The following AGPS variants were observed in gnomAD, a reference collection of about 807,000 sequenced individuals.
The protein encoded by AGPS is alkyldihydroxyacetonephosphate synthase, peroxisomal.
AGPS carries 26 observed loss-of-function variants against 90.7 expected under a neutral mutation model. The ratio of observed to expected loss-of-function variants is 0.29; its 90% CI spans 0.21 to 0.40. AGPS has a LOEUF of 0.40. AGPS is among the 10% of genes least tolerant of loss of function. The pLI, the probability that AGPS is intolerant of heterozygous loss-of-function variation, is 1.00. For missense variants in AGPS, 540 were observed against 816.1 expected, an observed-to-expected ratio of 0.66 and a Z score of 4.12; for synonymous variants, 294 against 285.3, an observed-to-expected ratio of 1.03 and a Z score of -0.31.
In AGPS at chr2:177,538,224, C is replaced by T. The variant is rs1162386058; in HGVS notation, c.*29C>T. ...CATTAGTACCATTACAAAAAAATGT[C>T]AATTTTTTTTTTAAGTTTTCAACTG... On this transcript the variant is annotated 3_prime_UTR_variant, in exon 20 of 20. Coordinates refer to ENST00000264167, the MANE Select transcript of AGPS (RefSeq NM_003659.4). The T allele has an allele frequency of 6.2e-7, 1 of 1,605,172 alleles. No individual in the cohort carries two copies. The highest frequency in any genetic ancestry group is 1.7e-5 in the Admixed American group (1 of 59,710).
chr2:177,494,936 GC>G (rs1688370329), intron 12 of AGPS, among the ~76,000 whole-genome samples: 1 of 152,140 alleles, frequency 6.6e-6, no homozygotes, highest in Admixed American at 6.5e-5. Flanking sequence ...AACAAAAGGT[GC>G]CCCAGACCCT....
At chr2:177,477,156 G>A (rs1184373280) in intron 10 of AGPS, among the ~76,000 whole-genome samples, 1 of 151,892 alleles carries the variant, frequency 6.6e-6, no homozygotes, top group Non-Finnish European at 1.5e-5. Flanking sequence ...TATTGGTATG[G>A]TCGGATTTAT....
chr2:177,488,807 A>G (rs983685766), intron 11 of AGPS, among the ~76,000 whole-genome samples: 1 of 152,228 alleles, frequency 6.6e-6, no homozygotes, highest in African/African-American at 2.4e-5. Context: ...AATGTTTTCA[A>G]TCAAGTATAA....
chr2:177,495,125 A>G (rs183817461), intron 12 of AGPS, among the ~76,000 whole-genome samples: 27 of 152,308 alleles, frequency 1.8e-4, no homozygotes, highest in African/African-American at 5.8e-4. Flanking sequence ...ATCATTGTGT[A>G]TATTGAAATA....
intron 12 of AGPS, among the ~76,000 whole-genome samples, chr2:177,494,072 G>A (rs775412225): frequency 2.0e-5 from 3 of 152,168 alleles, no homozygotes; most frequent in Non-Finnish European, 2.9e-5. Flanking sequence ...GTTATATTGT[G>A]AAATTTACTT....
intron 1 of AGPS, among the ~76,000 whole-genome samples, chr2:177,405,976 C>T (rs1685457158): frequency 6.6e-6 from 1 of 152,142 alleles, no homozygotes; most frequent in Admixed American, 6.6e-5. Flanking sequence ...AGTCTCCAAT[C>T]TCAGTCCTCC....
chr2:177,413,270 A>G (rs886537939), intron 1 of AGPS, among the ~76,000 whole-genome samples: 1 of 152,228 alleles, frequency 6.6e-6, no homozygotes, highest in African/African-American at 2.4e-5. Context: ...CCCAAAGGAC[A>G]GCAGGGGAAG....
At chr2:177,536,394 TCA>T (rs1001764682) in intron 19 of AGPS, among the ~76,000 whole-genome samples, 3 of 151,198 alleles carry the variant, frequency 2.0e-5, no homozygotes, top group African/African-American at 7.3e-5. Context: ...CTTTTACCAT[TCA>T]CAGAGTAGTT....
intron 16 of AGPS, among the ~76,000 whole-genome samples, chr2:177,508,287 T>C (rs192475123): frequency 1.9e-3 from 295 of 152,296 alleles, no homozygotes; most frequent in Non-Finnish European, 3.2e-3. Flanking sequence ...TTTTGAAGAA[T>C]GTTATTGAAT....
intron 11 of AGPS, among the ~76,000 whole-genome samples, chr2:177,482,847 A>T (rs17398864): frequency 0.13 from 19,390 of 152,136 alleles, 1,403 homozygotes; most frequent in African/African-American, 0.17. Context: ...TAGTTCTGTC[A>T]GTATGGAAAT....
At chr2:177,421,994 G>T (rs908392014) in intron 2 of AGPS, among the ~76,000 whole-genome samples, 5 of 152,042 alleles carry the variant, frequency 3.3e-5, no homozygotes, top group African/African-American at 4.8e-5. Context: ...ATGAGAAGGT[G>T]TGTGTGTATG....
At chr2:177,442,830 A>C (rs79534572) in intron 7 of AGPS, among the ~76,000 whole-genome samples, 4 of 12,780 alleles carry the variant, frequency 3.1e-4, no homozygotes, top group African/African-American at 1.1e-3. Flanking sequence ...CTGGGTGACA[A>C]AAAAAAAAAA....
chr2:177,416,797 A>G (rs371190096), intron 1 of AGPS, among the ~76,000 whole-genome samples: 12 of 152,028 alleles, frequency 7.9e-5, no homozygotes, highest in African/African-American at 2.6e-4. Context: ...CCAAAGTGCT[A>G]GGATTACAGG....
rs575886488 is a variant in AGPS, at chr2:177,501,212, G to C, written c.1475+1482G>C. 2.0e-5 allele frequency among the ~76,000 whole-genome samples: 3 copies of C among 152,138 alleles called. No individual in the cohort carries two copies. The South Asian group carries it at 6.2e-4, about 32-fold the overall frequency. On this transcript the variant is annotated intron_variant, in intron 14 of 19. Coordinates refer to ENST00000264167, the MANE Select transcript of AGPS (RefSeq NM_003659.4). ...TTTATCATTTAAATAACTGTATATA[G>C]AGTTAAATTTGCTTAGTTTCACCTC... is the stretch of plus-strand genomic sequence containing the variant.
Position 177,451,983 on chromosome 2 carries a change from G to T in AGPS, c.870+6357G>T, listed in dbSNP as rs1038240882. ...TGTTATTTAGTTCCCAATTATTTTG[G>T]GATTTTTCCAGATATCTTTCTGTCA... On this transcript the variant is annotated intron_variant, in intron 8 of 19. Transcript: ENST00000264167. Among the ~76,000 whole-genome samples the T allele has an allele frequency of 3.3e-5, 5 of 151,744 alleles. No individual in the cohort carries two copies. The East Asian group carries it at 9.7e-4, about 29-fold the overall frequency.
chr2:177,418,201 T>C lies in AGPS; in HGVS notation c.261-2068T>C, dbSNP rs563205832. 2.0e-5 allele frequency among the ~76,000 whole-genome samples: 3 copies of C among 152,214 alleles called. No individual in the cohort carries two copies. The South Asian group carries it at 6.2e-4, about 32-fold the overall frequency. Reference sequence around the variant, plus strand: ...TACAGTTGAAAATTTGGAAGTTCTTTAGAATATTACCCAACTTGAAAATTT... The same window carrying C: ...TACAGTTGAAAATTTGGAAGTTCTTCAGAATATTACCCAACTTGAAAATTT... On this transcript the variant is annotated intron_variant, in intron 1 of 19. Transcript: ENST00000264167.
rs189515212 is a variant in AGPS at position 177,393,903 on chromosome 2, A to G, written c.260+854A>G. Among the ~76,000 whole-genome samples the G allele has an allele frequency of 1.1e-4, 17 of 152,300 alleles. No individual in the cohort carries two copies. The East Asian group carries it at 2.5e-3, about 22-fold the overall frequency. The stretch of plus-strand genomic sequence containing the variant: ...TGGATAAATGGATAAACCGAGAGTG[A>G]AAAAAATAAGTAGCTAATGTTTAAA... On this transcript the variant is annotated intron_variant, in intron 1 of 19. Transcript: ENST00000264167.
At chr2:177,509,817 G>T (rs187189638) in intron 16 of AGPS, among the ~76,000 whole-genome samples, 1 of 152,168 alleles carries the variant, frequency 6.6e-6, no homozygotes, top group East Asian at 1.9e-4. Context: ...TAGAAAAAAA[G>T]GTGGAAACAT....
chr2:177,419,241 T>G (rs1238319268), intron 1 of AGPS, among the ~76,000 whole-genome samples: 1 of 152,004 alleles, frequency 6.6e-6, no homozygotes, highest in African/African-American at 2.4e-5. Context: ...TGTTATTTTC[T>G]TCTTTCTTGA....
Sources: gnomAD v4.1 joint callset for allele counts (sites outside exome capture counted in the v4.1 genomes callset) on GRCh38, gnomAD v4.1.1 for gene constraint, MANE v1.5 for transcripts, NCBI Gene and HGNC (gene_info 2026-07-23, HGNC 2026-07-21) for gene names.